Variants in SEMA7A observed in about 807,000 individuals in gnomAD.
The protein encoded by SEMA7A is semaphorin-7A.
In SEMA7A, 21 loss-of-function variants were observed where a neutral mutation model predicts 67.5. That is an observed-to-expected ratio of 0.31 (90% CI 0.22 to 0.45). SEMA7A has a LOEUF of 0.45. Ranked by LOEUF, SEMA7A falls within the 20% of genes least tolerant of loss-of-function variation. The probability of loss-of-function intolerance (pLI) is 1.00; values close to 1 mark genes in which losing one functional copy is unlikely to be tolerated. For missense variants in SEMA7A, 774 were observed against 908.6 expected, an observed-to-expected ratio of 0.85 and a Z score of 1.90; for synonymous variants, 364 against 368.5, an observed-to-expected ratio of 0.99 and a Z score of 0.14.
intron 6 of SEMA7A, among the ~76,000 whole-genome samples, chr15:74,417,081 G>A (rs2060956235): frequency 6.6e-6 from 1 of 152,134 alleles, no homozygotes. Context: ...TTTGGCTCCT[G>A]GGGACCCTGC....
intron 6 of SEMA7A, 140 bp from the exon 7 acceptor site, chr15:74,416,854 G>A: frequency 1.1e-6 from 1 of 925,590 alleles, no homozygotes; most frequent in Non-Finnish European, 1.6e-6. Flanking sequence ...AGAACATCAG[G>A]TCCAACTCCC....
At chr15:74,418,453 G>A in intron 2 of SEMA7A, 144 bp from the exon 3 acceptor site, 2 of 821,154 alleles carry the variant, frequency 2.4e-6, no homozygotes, top group Non-Finnish European at 4.0e-6. Flanking sequence ...CTGAGAGGGT[G>A]AGTGATCTAC....
In SEMA7A at chr15:74,414,075, T is replaced by C. The variant is rs1426171962; in HGVS notation, c.1294+472A>G. Among the ~76,000 whole-genome samples, 1 of 152,194 alleles carries C rather than the reference T, an allele frequency of 6.6e-6. No homozygotes were observed. The highest frequency in any genetic ancestry group is 2.4e-5 in the African/African-American group (1 of 41,432). On this transcript the variant is annotated intron_variant, in intron 10 of 13. Transcript: ENST00000261918. The surrounding 1 kb of genome is among the most constrained non-coding windows in gnomAD (Gnocchi z 4.1). Reference sequence around the variant, plus strand: ...CAAAGGTTCTGCCCCCTGGAACTCCTTCCTCATACCTAATTTGTGCCCCAT... The same window carrying C: ...CAAAGGTTCTGCCCCCTGGAACTCCCTCCTCATACCTAATTTGTGCCCCAT...
chr15:74,416,388 C>T (rs2060948729), intron 7 of SEMA7A, among the ~76,000 whole-genome samples, 187 bp downstream of exon 7: 1 of 152,090 alleles, frequency 6.6e-6, no homozygotes, highest in Non-Finnish European at 1.5e-5. Flanking sequence ...CACAGGAGCT[C>T]AGCCACCTTT....
rs1327666254 is a variant in SEMA7A at position 74,410,584 on chromosome 15, G to A, written c.*40C>T. ...TGAGTGTGAGACGTTCTAGTGCCCTGGGCTGCAGAAGCCTGAGGCATGCCC... is the reference window on the plus strand; with the variant it reads ...TGAGTGTGAGACGTTCTAGTGCCCTAGGCTGCAGAAGCCTGAGGCATGCCC... On this transcript the variant is annotated 3_prime_UTR_variant, in exon 14 of 14. Transcript: ENST00000261918. The surrounding 1 kb of genome is among the most constrained non-coding windows in gnomAD (Gnocchi z 7.5). 1 of 1,543,158 alleles carries A rather than the reference G, an allele frequency of 6.5e-7. No homozygotes were observed. Among genetic ancestry groups the A allele is most frequent in the Admixed American group, 1.9e-5 (1 of 52,500 alleles).
intron 2 of SEMA7A, 64 bp downstream of exon 2, chr15:74,418,737 C>A (rs1035962412): frequency 1.9e-6 from 3 of 1,569,508 alleles, no homozygotes; most frequent in Non-Finnish European, 8.7e-7. Context: ...CCCTGAGGAC[C>A]CTTGGCAGGG....
At chr15:74,419,726 T>A (rs1215873201) in intron 1 of SEMA7A, among the ~76,000 whole-genome samples, 1 of 152,188 alleles carries the variant, frequency 6.6e-6, no homozygotes, top group Admixed American at 6.5e-5. Flanking sequence ...GTTTCACCCA[T>A]GAGGATGCTA....
rs979914413 is a variant in SEMA7A at position 74,414,865 on chromosome 15, T to C, written c.1068A>G (p.Ser356=). The change falls in exon 9 of 14, where the codon TCA becomes TCG. Residue 356 remains serine, a synonymous_variant. Coordinates refer to ENST00000261918, the MANE Select transcript of SEMA7A (RefSeq NM_003612.5). The surrounding 1 kb of genome is among the most constrained non-coding windows in gnomAD (Gnocchi z 4.1). ...FRTSSLKGYH[S]SLPNPRPGKC... is the part of the protein sequence containing the mutation. ...TGCCAGGCCGCGGGTTGGGAAGGCT[T>C]GAGTGGTAGCCCTTGAGTGAGGAGG... 1 of 1,614,160 alleles carries C rather than the reference T, an allele frequency of 6.2e-7. No individual in the cohort carries two copies. The highest frequency in any genetic ancestry group is 8.5e-7 in the Non-Finnish European group (1 of 1,180,026).
At chr15:74,415,049 C>T in intron 8 of SEMA7A, 103 bp from the exon 9 acceptor site, 1 of 879,784 alleles carries the variant, frequency 1.1e-6, no homozygotes, top group Admixed American at 2.0e-5. Flanking sequence ...TGCCAACCAC[C>T]ACTGAAAATG....
chr15:74,414,693 C>T lies in SEMA7A; in HGVS notation c.1148G>A (p.Arg383His). ...IPTETFQVADRHPEVAQRVEP... is the reference protein window; with the variant it reads ...IPTETFQVADHHPEVAQRVEP... ...CACCCTCTGCGCCACCTCTGGGTGA[C>T]GGTCAGCCACCTGGAAGGTCTCTGT... The change falls in exon 10 of 14, where the codon CGT (arginine) becomes CAT (histidine). Residue 383 changes from arginine (R) to histidine (H), a missense_variant. Around this residue, in one of 2 missense-constraint regions of SEMA7A, gnomAD observed 427 missense variants for 555.4 expected, o/e 0.77. Coordinates refer to ENST00000261918, the MANE Select transcript of SEMA7A (RefSeq NM_003612.5). This position sits in a 1 kb window ranked among gnomAD's most constrained non-coding sequence, Gnocchi z 4.1. 1.9e-6 allele frequency: 3 copies of T among 1,614,142 alleles called. No individual in the cohort carries two copies. The highest frequency in any genetic ancestry group is 1.7e-5 in the Admixed American group (1 of 60,026).
At chr15:74,418,106 A>T in intron 3 of SEMA7A, 137 bp from the exon 4 acceptor site, 1 of 1,174,522 alleles carries the variant, frequency 8.5e-7, no homozygotes, top group Non-Finnish European at 1.2e-6. Context: ...GGGACAGCCC[A>T]GAGTGTGTGC....
At chr15:74,431,769 G>A (rs1304226953) in intron 1 of SEMA7A, among the ~76,000 whole-genome samples, 1 of 152,268 alleles carries the variant, frequency 6.6e-6, no homozygotes, top group Non-Finnish European at 1.5e-5. Flanking sequence ...TGGGGGTGGG[G>A]GGCAGGTGAA....
chr15:74,416,777 C>T, intron 6 of SEMA7A, 63 bp from the exon 7 acceptor site: 1 of 1,558,206 alleles, frequency 6.4e-7, no homozygotes. Context: ...CCATCCCAAC[C>T]CTGCACACTC....
chr15:74,427,228 TA>T, intron 1 of SEMA7A: 4 of 985,406 alleles, frequency 4.1e-6, no homozygotes, highest in Non-Finnish European at 4.8e-6. Context: ...TCATCTGGCC[TA>T]TGGGGCCCTG....
chr15:74,419,388 C>A (rs1316444394), intron 1 of SEMA7A, among the ~76,000 whole-genome samples: 2 of 152,106 alleles, frequency 1.3e-5, no homozygotes, highest in Non-Finnish European at 2.9e-5. Flanking sequence ...CGCCCCCCAA[C>A]CCCGGGCCTT....
At chr15:74,417,293 C>CA in intron 6 of SEMA7A, 42 bp downstream of exon 6, 1 of 1,502,928 alleles carries the variant, frequency 6.7e-7, no homozygotes, top group South Asian at 1.1e-5. Flanking sequence ...TAAGTGCTCA[C>CA]ACCCCCTTGC....
At chr15:74,418,737 C>G (rs1035962412) in intron 2 of SEMA7A, 64 bp downstream of exon 2, 1 of 1,569,510 alleles carries the variant, frequency 6.4e-7, no homozygotes, top group Non-Finnish European at 8.7e-7. Flanking sequence ...CCCTGAGGAC[C>G]CTTGGCAGGG....
In SEMA7A at chr15:74,433,768, C is replaced by G. The variant is rs1450751337; in HGVS notation, c.151G>C (p.Gly51Arg). The part of the protein sequence containing the change: ...AASAQGHLRS[G>R]PRIFAVWKGH... ...TTCCAGACGGCGAAGATGCGGGGTC[C>G]GCTCCTTAGGTGGCCCTGGGCGGAG... Residue 51 changes from glycine to arginine, a missense_variant, in exon 1 of 14, where the codon GGA becomes CGA. This residue lies in a region of SEMA7A where 347 missense variants were observed against 353.2 expected (regional missense o/e 0.98). Coordinates refer to ENST00000261918, the MANE Select transcript of SEMA7A (RefSeq NM_003612.5). 2.8e-6 allele frequency: 4 copies of G among 1,446,506 alleles called. No individual in the cohort carries two copies. The highest frequency in any genetic ancestry group is 2.7e-6 in the Non-Finnish European group (3 of 1,105,238). The allele number at this position is 1,446,506 out of a possible 1,614,324, so 89.6% of individuals were successfully genotyped here. A position where few individuals can be genotyped will look rare whatever the true frequency, so the allele number is the denominator to read the frequency against.
chr15:74,422,911 C>T (rs888025364), intron 1 of SEMA7A, among the ~76,000 whole-genome samples: 23 of 152,324 alleles, frequency 1.5e-4, no homozygotes, highest in Non-Finnish European at 2.4e-4. Flanking sequence ...AGGAGTGCAG[C>T]TCCAGGGGAG....
Sources: allele counts gnomAD v4.1 joint callset (sites outside exome capture counted in the v4.1 genomes callset), GRCh38; gene constraint gnomAD v4.1.1; regional missense constraint gnomAD v4.1.1; non-coding constraint Gnocchi (gnomAD v3.1); transcripts MANE v1.5; gene names NCBI Gene and HGNC (gene_info 2026-07-23, HGNC 2026-07-21).